Variants in GRM3 observed in about 807,000 individuals in gnomAD.
GRM3 encodes the protein metabotropic glutamate receptor 3.
A neutral mutation model predicts 70.5 loss-of-function variants in GRM3; 26 were observed. The ratio of observed to expected loss-of-function variants is 0.37; its 90% CI spans 0.27 to 0.51. The LOEUF is 0.51. Among genes scored for constraint, GRM3 ranks in the 20% least tolerant of loss-of-function variants. The pLI, the probability that GRM3 is intolerant of heterozygous loss-of-function variation, is 0.93. For synonymous variants in GRM3, 443 were observed against 434.9 expected (o/e 1.02, Z -0.23); for missense variants, 859 against 1,123.8 (o/e 0.76, Z 3.37).
intron 1 of GRM3, among the ~76,000 whole-genome samples, chr7:86,655,961 G>A (rs1474196693): frequency 2.0e-5 from 3 of 151,756 alleles, no homozygotes; most frequent in Non-Finnish European, 2.9e-5. Context: ...TACCTCCTCC[G>A]TTCCTGCTCT....
intron 1 of GRM3, among the ~76,000 whole-genome samples, chr7:86,738,240 A>G (rs777132886): frequency 2.6e-5 from 4 of 152,186 alleles, no homozygotes; most frequent in African/African-American, 4.8e-5. Context: ...CTCTGCTCCC[A>G]GAAAGAACAG....
At chr7:86,717,673 G>A (rs1422126854) in intron 1 of GRM3, among the ~76,000 whole-genome samples, 2 of 151,908 alleles carry the variant, frequency 1.3e-5, no homozygotes, top group South Asian at 2.1e-4. Flanking sequence ...TGCTCTAAAG[G>A]CAAACCACAG....
At chr7:86,686,234 G>A (rs559946316) in intron 1 of GRM3, among the ~76,000 whole-genome samples, 2 of 152,198 alleles carry the variant, frequency 1.3e-5, no homozygotes, top group South Asian at 2.1e-4. Context: ...CCATAGACAC[G>A]CTCCAGTTTG....
Position 86,644,758 on chromosome 7 carries a change from C to T in GRM3, c.-255C>T, listed in dbSNP as rs1793412299. Reference sequence around the variant, plus strand: ...TGGAAAGGACAAAGCCAGTAAGCTACCTCTTTTGTGTCGGATGAGGAGGAC... The same window carrying T: ...TGGAAAGGACAAAGCCAGTAAGCTATCTCTTTTGTGTCGGATGAGGAGGAC... On this transcript the variant is annotated 5_prime_UTR_variant, in exon 1 of 6. Coordinates refer to ENST00000361669, the MANE Select transcript of GRM3 (RefSeq NM_000840.3). 1 of 1,278,106 alleles carries T rather than the reference C, an allele frequency of 7.8e-7. No homozygotes were observed. The highest frequency in any genetic ancestry group is 2.1e-4 in the Middle Eastern group (1 of 4,672). 79.2% of individuals were successfully genotyped at this position (1,278,106 alleles called of 1,614,324 possible).
At chr7:86,769,870 G>A (rs905045764) in intron 2 of GRM3, among the ~76,000 whole-genome samples, 2 of 152,052 alleles carry the variant, frequency 1.3e-5, no homozygotes, top group Non-Finnish European at 2.9e-5. Flanking sequence ...AATATATGTG[G>A]GAGTCTATTC....
intron 3 of GRM3, chr7:86,833,282 A>G (rs1461640337): frequency 6.6e-6 from 1 of 150,640 alleles, no homozygotes; most frequent in East Asian, 2.0e-4. Context: ...GCACTGGGAG[A>G]TATACCTAAT....
At chr7:86,701,370 A>G (rs1287132122) in intron 1 of GRM3, among the ~76,000 whole-genome samples, 1 of 151,884 alleles carries the variant, frequency 6.6e-6, no homozygotes, top group Non-Finnish European at 1.5e-5. Context: ...ACAGGTAAAA[A>G]TCTAAATTAT....
intron 1 of GRM3, among the ~76,000 whole-genome samples, chr7:86,700,535 T>C (rs79803561): frequency 0.026 from 3,973 of 152,024 alleles, 146 homozygotes; most frequent in African/African-American, 0.091. Context: ...TTTTAATTAA[T>C]AACCCTACAC....
At chr7:86,813,597 G>T (rs1357067567) in intron 3 of GRM3, among the ~76,000 whole-genome samples, 1 of 151,812 alleles carries the variant, frequency 6.6e-6, no homozygotes. Flanking sequence ...TGAAGTATGA[G>T]TTAAGCACTG....
At chr7:86,793,086 G>A (rs1797462050) in intron 3 of GRM3, among the ~76,000 whole-genome samples, 1 of 146,468 alleles carries the variant, frequency 6.8e-6, no homozygotes, top group African/African-American at 2.5e-5. Flanking sequence ...CCTAGAGCCT[G>A]GTGGAGACAG....
chr7:86,714,943 T>C (rs542712753), intron 1 of GRM3, among the ~76,000 whole-genome samples: 52 of 152,142 alleles, frequency 3.4e-4, no homozygotes, highest in Non-Finnish European at 3.2e-4. Flanking sequence ...CCATTTACCA[T>C]GTGATTGTCA....
At position 86,774,430 on chromosome 7, in the gene GRM3, G is replaced by C. The variant is rs118017367; in HGVS notation, c.468+8817G>C. On this transcript the variant is annotated intron_variant, in intron 2 of 5. Coordinates refer to ENST00000361669, the MANE Select transcript of GRM3 (RefSeq NM_000840.3). The stretch of plus-strand genomic sequence containing the variant: ...ATCAGTGGGACTTTGAACACTAAAA[G>C]TGTAGTGTGACTATTTTTGACAACA... 2.3e-3 allele frequency among the ~76,000 whole-genome samples: 348 copies of C among 152,184 alleles called. 1 individual carries two copies. The highest frequency in any genetic ancestry group is 3.8e-3 in the Non-Finnish European group (255 of 67,988).
intron 1 of GRM3, among the ~76,000 whole-genome samples, chr7:86,665,107 A>G (rs1181985936): frequency 6.6e-6 from 1 of 152,090 alleles, no homozygotes; most frequent in Non-Finnish European, 1.5e-5. Context: ...TAGTCAAACT[A>G]TTACCTGCTA....
intron 1 of GRM3, among the ~76,000 whole-genome samples, chr7:86,700,095 G>C (rs1229114789): frequency 6.6e-6 from 1 of 151,864 alleles, no homozygotes; most frequent in Non-Finnish European, 1.5e-5. Context: ...AGAACCATCT[G>C]TCAGTGAGAT....
intron 1 of GRM3, among the ~76,000 whole-genome samples, chr7:86,675,404 C>T (rs964955734): frequency 6.6e-6 from 1 of 152,036 alleles, no homozygotes; most frequent in African/African-American, 2.4e-5. Flanking sequence ...TAGTTGGAAG[C>T]CTCAAGACAG....
At chr7:86,843,971 C>A (rs1274398678) in intron 4 of GRM3, among the ~76,000 whole-genome samples, 1 of 152,180 alleles carries the variant, frequency 6.6e-6, no homozygotes, top group African/African-American at 2.4e-5. Flanking sequence ...AGGATGAGGA[C>A]CAAGAATCTC....
At chr7:86,669,012 AC>A in intron 1 of GRM3, among the ~76,000 whole-genome samples, 3 of 152,128 alleles carry the variant, frequency 2.0e-5, no homozygotes, top group Admixed American at 6.6e-5. Context: ...TTCCTGTCTT[AC>A]TATCCCAAGA....
At chr7:86,731,418 T>C (rs1381414862) in intron 1 of GRM3, among the ~76,000 whole-genome samples, 2 of 152,196 alleles carry the variant, frequency 1.3e-5, no homozygotes, top group Non-Finnish European at 2.9e-5. Flanking sequence ...ATTCTTTCCA[T>C]GTCCCTGCAA....
chr7:86,812,692 T>C (rs371247614), intron 3 of GRM3, among the ~76,000 whole-genome samples: 1 of 151,776 alleles, frequency 6.6e-6, no homozygotes, highest in African/African-American at 2.4e-5. Flanking sequence ...TCAAAGGTAA[T>C]TGCATCTCAG....
Sources: gnomAD v4.1 joint callset for allele counts (sites outside exome capture counted in the v4.1 genomes callset) on GRCh38, gnomAD v4.1.1 for gene constraint, MANE v1.5 for transcripts, NCBI Gene and HGNC (gene_info 2026-07-23, HGNC 2026-07-21) for gene names.